The following RBPMS variants were observed in gnomAD, a reference collection of about 807,000 sequenced individuals.
The protein encoded by RBPMS is RNA-binding protein with multiple splicing.
Under a neutral mutation model 26.8 loss-of-function variants are expected in RBPMS, and 7 were observed. The observed-to-expected ratio is 0.26, with a 90% CI of 0.15 to 0.49. The LOEUF (loss-of-function observed/expected upper bound fraction) is 0.49, where lower values mean the gene tolerates loss of function less well. Ranked by LOEUF, RBPMS falls within the 20% of genes least tolerant of loss-of-function variation. The pLI is 0.98. For synonymous variants in RBPMS, 96 were observed against 93.3 expected (o/e 1.03, Z -0.17); for missense variants, 186 against 250.0 (o/e 0.74, Z 1.73).
chr8:30,506,336 TA>T (rs34344286), intron 5 of RBPMS, among the ~76,000 whole-genome samples: 9,644 of 132,034 alleles, frequency 0.073, 915 homozygotes, highest in African/African-American at 0.23. Context: ...ATTTGAAGTT[TA>T]AAAAAAAAAA....
intron 1 of RBPMS, among the ~76,000 whole-genome samples, chr8:30,386,048 C>A (rs867043807): frequency 1.3e-5 from 2 of 152,258 alleles, no homozygotes; most frequent in South Asian, 4.1e-4. Context: ...TTATTTCTGG[C>A]GTACTTCTTA....
chr8:30,522,845 T>C (rs1353959879), intron 5 of RBPMS, among the ~76,000 whole-genome samples: 2 of 152,234 alleles, frequency 1.3e-5, no homozygotes, highest in African/African-American at 4.8e-5. Context: ...TTTTTTGTCA[T>C]ATACTTATTA....
At chr8:30,453,601 C>T (rs192800167) in intron 1 of RBPMS, 1 of 152,272 alleles carries the variant, frequency 6.6e-6, no homozygotes, top group Admixed American at 6.5e-5. Context: ...CTATTTCCTC[C>T]TAAATAACTG....
intron 4 of RBPMS, among the ~76,000 whole-genome samples, chr8:30,496,459 T>C (rs747598147): frequency 2.1e-4 from 32 of 152,092 alleles, no homozygotes; most frequent in South Asian, 4.1e-4. Flanking sequence ...TGAGCCACCG[T>C]GCCCGGCCAC....
At chr8:30,500,593 T>C (rs1820460277) in intron 4 of RBPMS, among the ~76,000 whole-genome samples, 1 of 152,202 alleles carries the variant, frequency 6.6e-6, no homozygotes, top group Non-Finnish European at 1.5e-5. Flanking sequence ...ATGAGGGTGC[T>C]CTGAAGACCT....
At chr8:30,411,875 A>G (rs536834962) in intron 1 of RBPMS, among the ~76,000 whole-genome samples, 218 of 151,716 alleles carry the variant, frequency 1.4e-3, no homozygotes, top group Non-Finnish European at 2.5e-3. Flanking sequence ...AATCCCAGCT[A>G]CTCAGGAGGC....
chr8:30,437,647 C>T lies in RBPMS; in HGVS notation c.67-37132C>T, dbSNP rs551127992. 1.2e-3 allele frequency among the ~76,000 whole-genome samples: 178 copies of T among 152,224 alleles called. No homozygotes were observed. The Middle Eastern group carries it at 0.02, about 17-fold the overall frequency. ...CGCTACTAAAAATAAAAAAATTAGC[C>T]GGGCATGATATTGCTTGCCTGTAAT... On this transcript the variant is annotated intron_variant, in intron 1 of 8. Coordinates refer to ENST00000397323, the MANE Select transcript of RBPMS (RefSeq NM_001008710.3).
chr8:30,392,606 G>A (rs1423770645), intron 1 of RBPMS, among the ~76,000 whole-genome samples: 2 of 152,208 alleles, frequency 1.3e-5, no homozygotes, highest in Non-Finnish European at 2.9e-5. Context: ...CATTCTTGCA[G>A]TGAGGTTTCT....
chr8:30,482,734 A>G (rs1402154390), intron 4 of RBPMS, among the ~76,000 whole-genome samples: 1 of 152,184 alleles, frequency 6.6e-6, no homozygotes, highest in Non-Finnish European at 1.5e-5. Context: ...ATTAATCCAC[A>G]TCATTAAAAA....
intron 1 of RBPMS, among the ~76,000 whole-genome samples, chr8:30,464,991 G>C (rs1486462911): frequency 6.6e-6 from 1 of 152,174 alleles, no homozygotes. Flanking sequence ...TTTTAGCAGT[G>C]TATGCAGTGA....
intron 6 of RBPMS, chr8:30,544,907 C>G (rs1030104609): frequency 1.4e-6 from 2 of 1,481,222 alleles, no homozygotes; most frequent in Non-Finnish European, 1.8e-6. Flanking sequence ...GCAGGTTTAT[C>G]CACCTGGCTC....
chr8:30,502,459 C>T (rs568063669), intron 4 of RBPMS, among the ~76,000 whole-genome samples: 62 of 152,296 alleles, frequency 4.1e-4, no homozygotes, highest in African/African-American at 1.4e-3. Flanking sequence ...CCCCAGTGGC[C>T]TGGGCCACAG....
intron 6 of RBPMS, chr8:30,552,440 G>T (rs983214911): frequency 6.6e-6 from 1 of 152,172 alleles, no homozygotes; most frequent in African/African-American, 2.4e-5. Context: ...TTGTGCTGCC[G>T]GTGGGGAAGG....
chr8:30,496,161 C>T (rs535312368), intron 4 of RBPMS, among the ~76,000 whole-genome samples: 53 of 127,280 alleles, frequency 4.2e-4, no homozygotes, highest in Admixed American at 2.4e-3. Flanking sequence ...CTTCAGATAC[C>T]CTTGCGCATT....
At chr8:30,471,241 T>C (rs1817067866) in intron 1 of RBPMS, among the ~76,000 whole-genome samples, 1 of 152,190 alleles carries the variant, frequency 6.6e-6, no homozygotes, top group African/African-American at 2.4e-5. Flanking sequence ...TGGAACTATA[T>C]ATACTTTTTC....
At chr8:30,545,028 C>G in intron 6 of RBPMS, 1 of 1,421,642 alleles carries the variant, frequency 7.0e-7, no homozygotes, top group Admixed American at 2.6e-5. Context: ...GTGCGTGTTT[C>G]TGTGTGTTGA....
chr8:30,446,589 G>T (rs757841132), intron 1 of RBPMS, among the ~76,000 whole-genome samples: 1 of 152,148 alleles, frequency 6.6e-6, no homozygotes, highest in Non-Finnish European at 1.5e-5. Flanking sequence ...ACCATAATAG[G>T]CATTTATTTC....
intron 1 of RBPMS, among the ~76,000 whole-genome samples, chr8:30,422,499 G>C (rs1810909699): frequency 6.6e-6 from 1 of 152,082 alleles, no homozygotes; most frequent in Non-Finnish European, 1.5e-5. Flanking sequence ...GAACTCCTGG[G>C]CTTAAGCAGT....
intron 6 of RBPMS, chr8:30,556,629 A>G (rs894692824): frequency 7.7e-5 from 76 of 986,066 alleles, no homozygotes; most frequent in Non-Finnish European, 9.2e-5. Context: ...CAGTGCACAC[A>G]GACCCATCAC....
Sources: allele counts gnomAD v4.1 joint callset (sites outside exome capture counted in the v4.1 genomes callset), GRCh38; gene constraint gnomAD v4.1.1; transcripts MANE v1.5; gene names NCBI Gene and HGNC (gene_info 2026-07-23, HGNC 2026-07-21).